Variants in GRHL2 observed in about 807,000 individuals in gnomAD.
GRHL2 encodes grainyhead like transcription factor 2, also known as grainyhead-like protein 2 homolog.
A neutral mutation model predicts 83.8 loss-of-function variants in GRHL2; 21 were observed. That is an observed-to-expected ratio of 0.25 (90% confidence interval 0.18 to 0.36). The LOEUF (loss-of-function observed/expected upper bound fraction) is 0.36. Ranked by LOEUF, GRHL2 falls within the 10% of genes least tolerant of loss-of-function variation. The pLI, the probability that GRHL2 is intolerant of heterozygous loss-of-function variation, is 1.00. For synonymous variants in GRHL2, 280 were observed against 278.9 expected (o/e 1.00, Z -0.04); for missense variants, 623 against 781.8 (o/e 0.80, Z 2.42).
intron 1 of GRHL2, among the ~76,000 whole-genome samples, chr8:101,523,708 G>A (rs946562434): frequency 3.3e-5 from 5 of 151,780 alleles, no homozygotes; most frequent in African/African-American, 1.2e-4. Flanking sequence ...TGAATTCCTG[G>A]GCTCAAACGA....
chr8:101,572,867 A>T (rs1459857069), intron 5 of GRHL2, among the ~76,000 whole-genome samples: 1 of 152,226 alleles, frequency 6.6e-6, no homozygotes, highest in Non-Finnish European at 1.5e-5. Context: ...CTTTTTCTGA[A>T]ATGAACTAGA....
rs113844787 is a variant in GRHL2, at chr8:101,513,206, A to G, written c.20+20417A>G. Among the ~76,000 whole-genome samples the G allele has an allele frequency of 2.7e-3, 413 of 152,142 alleles. 1 individual carries two copies. Among genetic ancestry groups the G allele is most frequent in the African/African-American group, 9.3e-3 (384 of 41,510 alleles). ...TTTAAATAATAGGTTCAGTTCATCA[A>G]TATTTTTCTGAGGATTTTATGTCTG... On this transcript the variant is annotated intron_variant, in intron 1 of 15. Transcript: ENST00000646743.
At chr8:101,559,249 T>G (rs997200857) in intron 4 of GRHL2, among the ~76,000 whole-genome samples, 1 of 150,628 alleles carries the variant, frequency 6.6e-6, no homozygotes, top group Non-Finnish European at 1.5e-5. Context: ...CGGTGGCTCA[T>G]GCCTGTAATC....
intron 1 of GRHL2, among the ~76,000 whole-genome samples, chr8:101,504,856 C>T (rs1262661773): frequency 6.6e-6 from 1 of 151,570 alleles, no homozygotes; most frequent in Admixed American, 6.6e-5. Flanking sequence ...CCAACGTGAA[C>T]TTCTTTGCTT....
Position 101,643,812 on chromosome 8 carries a change from C to G in GRHL2, c.1518-319C>G, listed in dbSNP as rs532782896. Among the ~76,000 whole-genome samples the G allele has an allele frequency of 2.3e-4, 35 of 152,354 alleles. No homozygotes were observed. The South Asian group carries it at 7.2e-3, about 32-fold the overall frequency. ...ACACCAGGGATTTACTTCCCCCCAG[C>G]CCCGATCTTGAGCAGAAAGAAGGGA... On this transcript the variant is annotated intron_variant, in intron 12 of 15. Transcript: ENST00000646743.
chr8:101,649,703 A>C (rs1337633617), intron 14 of GRHL2, among the ~76,000 whole-genome samples: 1 of 152,160 alleles, frequency 6.6e-6, no homozygotes, highest in Non-Finnish European at 1.5e-5. Flanking sequence ...AAAAACTGCC[A>C]ATTCCCTGTC....
intron 4 of GRHL2, among the ~76,000 whole-genome samples, chr8:101,569,581 C>T (rs779142474): frequency 6.6e-6 from 1 of 152,094 alleles, no homozygotes; most frequent in Non-Finnish European, 1.5e-5. Context: ...GCGATGCTTC[C>T]GCCTCAACTT....
At chr8:101,532,050 C>A (rs1008645088) in intron 1 of GRHL2, among the ~76,000 whole-genome samples, 1 of 152,178 alleles carries the variant, frequency 6.6e-6, no homozygotes, top group African/African-American at 2.4e-5. Context: ...CTATCAATAT[C>A]GTCCTGGGCT....
intron 4 of GRHL2, among the ~76,000 whole-genome samples, chr8:101,569,144 G>A (rs1003137110): frequency 6.6e-6 from 1 of 152,292 alleles, no homozygotes; most frequent in South Asian, 2.1e-4. Flanking sequence ...CGTGGTCAAT[G>A]AAATGCTTTT....
At chr8:101,643,375 A>AG in intron 12 of GRHL2, among the ~76,000 whole-genome samples, 1 of 95,934 alleles carries the variant, frequency 1.0e-5, no homozygotes, top group Non-Finnish European at 2.0e-5. Flanking sequence ...CTCTCAAAAA[A>AG]AAAAAAAAAA....
intron 1 of GRHL2, among the ~76,000 whole-genome samples, chr8:101,541,610 C>T (rs527419575): frequency 2.0e-5 from 3 of 152,158 alleles, no homozygotes; most frequent in Admixed American, 6.5e-5. Flanking sequence ...TGCCATGTTA[C>T]GATGTGCTGA....
intron 5 of GRHL2, among the ~76,000 whole-genome samples, chr8:101,572,415 C>T (rs1811845563): frequency 6.6e-6 from 1 of 151,978 alleles, no homozygotes; most frequent in Admixed American, 6.6e-5. Context: ...ATTATTCTGC[C>T]CTTCAGATTT....
chr8:101,500,469 T>C (rs1319891901), intron 1 of GRHL2, among the ~76,000 whole-genome samples: 1 of 152,200 alleles, frequency 6.6e-6, no homozygotes, highest in African/African-American at 2.4e-5. Flanking sequence ...CTTATAATGG[T>C]AAATGGTAAA....
intron 1 of GRHL2, among the ~76,000 whole-genome samples, chr8:101,539,391 T>C (rs1811106574): frequency 1.3e-5 from 2 of 152,132 alleles, no homozygotes; most frequent in African/African-American, 4.8e-5. Context: ...CGACTGAGGT[T>C]CCAAATCCTC....
At chr8:101,585,231 C>A (rs868706762) in intron 7 of GRHL2, among the ~76,000 whole-genome samples, 5 of 152,168 alleles carry the variant, frequency 3.3e-5, no homozygotes, top group Non-Finnish European at 7.3e-5. Flanking sequence ...CTGTCCTTTT[C>A]CCCAAATTAT....
At chr8:101,590,109 A>G (rs1812249457) in intron 7 of GRHL2, among the ~76,000 whole-genome samples, 1 of 152,184 alleles carries the variant, frequency 6.6e-6, no homozygotes, top group Non-Finnish European at 1.5e-5. Flanking sequence ...AATGGTGGCC[A>G]TTATTATTAT....
At chr8:101,672,129 C>T (rs892060145), downstream of GRHL2, among the ~76,000 whole-genome samples, 7 of 151,674 alleles carry the variant, frequency 4.6e-5, 1 homozygote, top group African/African-American at 1.7e-4. Flanking sequence ...AAACTGGCAA[C>T]TCTAAAAAGC....
chr8:101,515,602 C>A (rs950693233), intron 1 of GRHL2, among the ~76,000 whole-genome samples: 1 of 152,126 alleles, frequency 6.6e-6, no homozygotes, highest in Non-Finnish European at 1.5e-5. Context: ...CACATGGAAG[C>A]CTTTCTCCCG....
chr8:101,492,980 T>C (rs562311706), intron 1 of GRHL2, 191 bp downstream of exon 1: 7 of 642,694 alleles, frequency 1.1e-5, no homozygotes, highest in East Asian at 1.1e-4. Flanking sequence ...CCTACAACAA[T>C]GTGAATATTT....
Sources: allele counts gnomAD v4.1 joint callset (sites outside exome capture counted in the v4.1 genomes callset), GRCh38; gene constraint gnomAD v4.1.1; transcripts MANE v1.5; gene names NCBI Gene and HGNC (gene_info 2026-07-23, HGNC 2026-07-21).